Variants in PAGE5 observed in about 807,000 individuals in gnomAD.
PAGE5 encodes P antigen family member 5.
Under a neutral mutation model 8.1 loss-of-function variants are expected in PAGE5, and 8 were observed. The observed-to-expected ratio is 0.98, with a 90% CI of 0.58 to 1.77. PAGE5 has a LOEUF of 1.77. PAGE5 is among the 40% of genes most tolerant of loss of function. The probability of loss-of-function intolerance (pLI) is 0.00; values close to 1 mark genes in which losing one functional copy is unlikely to be tolerated. For synonymous variants in PAGE5, 30 were observed against 27.0 expected (o/e 1.11, Z -0.35); for missense variants, 64 against 77.6 (o/e 0.82, Z 0.66).
intron 2 of PAGE5, 151 bp from the exon 3 acceptor site, chrX:55,221,616 T>A: frequency 1.1e-6 from 1 of 900,552 alleles, no homozygotes; most frequent in Non-Finnish European, 1.5e-6. Flanking sequence ...GAATATTATA[T>A]TCTGGTGTTG....
In PAGE5 at chrX:55,223,922, C is replaced by A. The variant is rs576442396; in HGVS notation, c.317-65C>A. On this transcript the variant is annotated intron_variant, in intron 4 of 4. Transcript: ENST00000374955. ...AGTTAATCAACACTGTAGTTGTATA[C>A]TTCTAGTGTCATCTAAATAGAAATC... The A allele has an allele frequency of 1.9e-3, 1,768 of 938,213 alleles. 17 individuals carry two copies. In the South Asian group the frequency reaches 0.042, roughly 22 times the overall value. 77.3% of individuals were successfully genotyped at this position (938,213 alleles called of 1,213,427 possible).
Position 55,220,417 on chromosome X carries a change from C to G in PAGE5, c.-44C>G. On this transcript the variant is annotated 5_prime_UTR_variant, in exon 1 of 5. Coordinates refer to ENST00000374955, the MANE Select transcript of PAGE5 (RefSeq NM_001013435.3). ...TTTCCGCCATCTTCGTTCTTTCCAACATCTTCGTTCTTTCTCACTGACCGA... is the reference window on the plus strand; with the variant it reads ...TTTCCGCCATCTTCGTTCTTTCCAAGATCTTCGTTCTTTCTCACTGACCGA... The G allele has an allele frequency of 2.2e-6, 1 of 463,580 alleles. No homozygotes were observed. 38.2% of individuals were successfully genotyped at this position (463,580 alleles called of 1,213,427 possible). A position where few individuals can be genotyped will look rare whatever the true frequency, so the allele number is the denominator to read the frequency against.
rs752586951 is a variant in PAGE5 at position 55,221,432 on chromosome X, A to G, written c.50A>G (p.Gln17Arg). ...RSQSSERGND[Q>R]ESSQPVGPVI... ...CAATCCTCAGAAAGAGGAAATGACC[A>G]AGAGTCTTCCCAGCCAGTTGGACCT... Residue 17 changes from glutamine (Q) to arginine (R), a missense_variant, in exon 2 of 5, where the codon CAA becomes CGA. Coordinates refer to ENST00000374955, the MANE Select transcript of PAGE5 (RefSeq NM_001013435.3). 1.7e-6 allele frequency: 2 copies of G among 1,208,586 alleles called. No individual in the cohort carries two copies. Among genetic ancestry groups the G allele is most frequent in the Non-Finnish European group, 2.2e-6 (2 of 894,092 alleles).
chrX:55,220,834 C>T (rs758348812), intron 1 of PAGE5, among the ~76,000 whole-genome samples: 9 of 111,048 alleles, frequency 8.1e-5, no homozygotes, highest in East Asian at 2.9e-4. Context: ...AAACTGGGAA[C>T]GCTGTGGGCT....
At position 55,223,986 on chromosome X, in the gene PAGE5, G is replaced by A; in HGVS notation, c.317-1G>A. 2.6e-6 allele frequency: 3 copies of A among 1,142,161 alleles called. No individual in the cohort carries two copies. The highest frequency in any genetic ancestry group is 3.5e-6 in the Non-Finnish European group (3 of 848,869). The allele number at this position is 1,142,161 out of a possible 1,213,427, so 94.1% of individuals were successfully genotyped here. A position where few individuals can be genotyped will look rare whatever the true frequency, so the allele number is the denominator to read the frequency against. On this transcript the variant is annotated splice_acceptor_variant, in intron 4 of 4. Transcript: ENST00000374955. LOFTEE classifies it high-confidence loss of function. ...GCTCTAATTTTATATTTATATTATA[G>A]GTGAAGGGCAACTATAGGTTTAAAC... is the stretch of plus-strand genomic sequence containing the variant.
intron 2 of PAGE5, 98 bp from the exon 3 acceptor site, chrX:55,221,669 C>A: frequency 5.4e-6 from 5 of 933,990 alleles, no homozygotes; most frequent in Admixed American, 2.7e-5. Flanking sequence ...ATATATATAT[C>A]TATTGGAAAA....
At position 55,223,983 on chromosome X, in the gene PAGE5, A is replaced by G. The variant is rs765977001; in HGVS notation, c.317-4A>G. ...CGTGCTCTAATTTTATATTTATATT[A>G]TAGGTGAAGGGCAACTATAGGTTTA... On this transcript the variant is annotated splice_region_variant and splice_polypyrimidine_tract_variant and intron_variant, in intron 4 of 4. Transcript: ENST00000374955. 1 of 1,140,712 alleles carries G rather than the reference A, an allele frequency of 8.8e-7. No homozygotes were observed. The highest frequency in any genetic ancestry group is 1.2e-6 in the Non-Finnish European group (1 of 847,264). The allele number at this position is 1,140,712 out of a possible 1,213,427, so 94.0% of individuals were successfully genotyped here. A position where few individuals can be genotyped will look rare whatever the true frequency, so the allele number is the denominator to read the frequency against.
Position 55,220,699 on chromosome X carries a change from G to A in PAGE5, c.-9+247G>A, listed in dbSNP as rs73494425. ...CGCCTGAAGATGGTGCGAGTCCTGG[G>A]GGTGGGTGCTGTTAGAGGTGTCTGA... is the stretch of plus-strand genomic sequence containing the variant. On this transcript the variant is annotated intron_variant, in intron 1 of 4. Coordinates refer to ENST00000374955, the MANE Select transcript of PAGE5 (RefSeq NM_001013435.3). 469 of 1,139,584 alleles carry A rather than the reference G, an allele frequency of 4.1e-4. 1 individual carries two copies. The African/African-American group carries it at 7.6e-3, about 18-fold the overall frequency. 93.9% of individuals were successfully genotyped at this position (1,139,584 alleles called of 1,213,427 possible). A position where few individuals can be genotyped will look rare whatever the true frequency, so the allele number is the denominator to read the frequency against.
At chrX:55,220,476 T>C in intron 1 of PAGE5, 24 bp downstream of exon 1, 1 of 644,687 alleles carries the variant, frequency 1.6e-6, no homozygotes. Context: ...GTGGTCTTCC[T>C]GGTAATTTAG....
At chrX:55,220,575 G>T in intron 1 of PAGE5, 123 bp downstream of exon 1, 1 of 1,184,453 alleles carries the variant, frequency 8.4e-7, no homozygotes, top group Non-Finnish European at 1.1e-6. Flanking sequence ...CCTCGCGGTG[G>T]TCCTCCGCCT....
intron 4 of PAGE5, 95 bp downstream of exon 4, chrX:55,222,841 TC>T: frequency 1.0e-6 from 1 of 1,003,293 alleles, no homozygotes. Context: ...TACTTTAATA[TC>T]ATACTTCACA....
chrX:55,220,654 A>C (rs751277494), intron 1 of PAGE5: 7 of 1,196,505 alleles, frequency 5.9e-6, no homozygotes, highest in Middle Eastern at 4.8e-4. Flanking sequence ...GGAGGAAGGT[A>C]GGCCGTGGAG....
intron 1 of PAGE5, 34 bp downstream of exon 1, chrX:55,220,486 G>A: frequency 1.4e-6 from 1 of 698,723 alleles, no homozygotes; most frequent in Non-Finnish European, 2.2e-6. Context: ...TGGTAATTTA[G>A]TTGTGAGTGA....
At chrX:55,223,065 G>A (rs753533163) in intron 4 of PAGE5, among the ~76,000 whole-genome samples, 1 of 111,941 alleles carries the variant, frequency 8.9e-6, no homozygotes, top group South Asian at 3.7e-4. Flanking sequence ...CATGCTAAGA[G>A]AGTAGATTTT....
At chrX:55,221,484 T>C in intron 2 of PAGE5, 21 bp downstream of exon 2, 1 of 1,181,086 alleles carries the variant, frequency 8.5e-7, no homozygotes, top group South Asian at 1.8e-5. Context: ...TAGCATTTGA[T>C]GTTTTCTATT....
At chrX:55,223,361 T>C (rs1429380230) in intron 4 of PAGE5, among the ~76,000 whole-genome samples, 1 of 112,185 alleles carries the variant, frequency 8.9e-6, no homozygotes, top group Non-Finnish European at 1.9e-5. Context: ...GTGCTGGTAA[T>C]GTCTTAAAGC....
rs1937894999 is a variant in PAGE5 at position 55,221,767 on chromosome X, G to A, written c.82G>A (p.Val28Ile). 11 of 1,206,404 alleles carry A rather than the reference G, an allele frequency of 9.1e-6. No individual in the cohort carries two copies. The Admixed American group carries it at 1.8e-4, about 19-fold the overall frequency. The change falls in exon 3 of 5, where the codon GTC (valine) becomes ATC (isoleucine). Residue 28 changes from valine (V) to isoleucine (I), a missense_variant and splice_region_variant. By Grantham distance (29) the Val-to-Ile change is conservative. Transcript: ENST00000374955. ...ESSQPVGPVI[V>I]QQPTEEKRQE... ...TTCGCACACACACTTACACCCTTAG[G>A]TCCAGCAGCCCACTGAGGAAAAACG...
intron 4 of PAGE5, among the ~76,000 whole-genome samples, chrX:55,223,756 T>C (rs1300000887): frequency 1.8e-5 from 2 of 112,082 alleles, no homozygotes; most frequent in Admixed American, 9.5e-5. Flanking sequence ...CATTCTGTAC[T>C]CGAACAGTGT....
chrX:55,221,817 T>A lies in PAGE5; in HGVS notation c.132T>A (p.Asp44Glu), dbSNP rs1236995696. 9.1e-6 allele frequency: 11 copies of A among 1,208,046 alleles called. No homozygotes were observed. The highest frequency in any genetic ancestry group is 1.8e-5 in the African/African-American group (1 of 57,050). ...EKRQEEEPPT[D>E]NQGIAPSGEI... is the part of the protein sequence containing the mutation. Reference sequence around the variant, plus strand: ...GTCAAGAAGAGGAACCACCAACTGATAATCAGGGTATTGCACCTAGTGGGG... The same window carrying A: ...GTCAAGAAGAGGAACCACCAACTGAAAATCAGGGTATTGCACCTAGTGGGG... The change falls in exon 3 of 5, where the codon GAT (aspartate) becomes GAA (glutamate). Residue 44 changes from aspartate to glutamate, a missense_variant. Asp to Glu is a conservative substitution (Grantham distance 45, BLOSUM62 2). Coordinates refer to ENST00000374955, the MANE Select transcript of PAGE5 (RefSeq NM_001013435.3).
Sources: allele counts gnomAD v4.1 joint callset (sites outside exome capture counted in the v4.1 genomes callset), GRCh38; gene constraint gnomAD v4.1.1; transcripts MANE v1.5; gene names NCBI Gene and HGNC (gene_info 2026-07-23, HGNC 2026-07-21).